The following IGF1R variants were observed in gnomAD, a reference collection of about 807,000 sequenced individuals.
IGF1R encodes the protein insulin like growth factor 1 receptor.
Under a neutral mutation model 144.6 loss-of-function variants are expected in IGF1R, and 44 were observed. The ratio of observed to expected loss-of-function variants is 0.30; its 90% CI spans 0.24 to 0.39. The LOEUF (loss-of-function observed/expected upper bound fraction) is 0.39. IGF1R is among the 10% of genes least tolerant of loss of function. The probability of loss-of-function intolerance (pLI) is 1.00; values close to 1 mark genes in which losing one functional copy is unlikely to be tolerated. For missense variants in IGF1R, 1,355 were observed against 1,833.7 expected, an observed-to-expected ratio of 0.74 and a Z score of 4.77; for synonymous variants, 795 against 722.8, an observed-to-expected ratio of 1.10 and a Z score of -1.60.
At chr15:98,868,327 CAAAAA>C (rs55905905) in intron 2 of IGF1R, among the ~76,000 whole-genome samples, 4 of 49,854 alleles carry the variant, frequency 8.0e-5, no homozygotes, top group Non-Finnish European at 1.4e-4. Flanking sequence ...ACCTTGTCTC[CAAAAA>C]AAAAAAAAAA....
chr15:98,881,212 G>T (rs1027519229), intron 2 of IGF1R, among the ~76,000 whole-genome samples: 12 of 152,216 alleles, frequency 7.9e-5, no homozygotes, highest in African/African-American at 2.9e-4. Context: ...TAGTGTGGCG[G>T]AGAAAAGGGT....
chr15:98,694,887 T>C (rs1344985507), intron 1 of IGF1R, among the ~76,000 whole-genome samples: 6 of 152,130 alleles, frequency 3.9e-5, no homozygotes, highest in East Asian at 3.9e-4. Context: ...GAAGGAAAGC[T>C]AAGTGTGGAG....
chr15:98,779,374 T>G (rs527554182), intron 2 of IGF1R, among the ~76,000 whole-genome samples: 1 of 152,232 alleles, frequency 6.6e-6, no homozygotes, highest in East Asian at 1.9e-4. Context: ...CCTTTATTAA[T>G]TTTTTCAAGA....
At chr15:98,684,785 G>A (rs1180949236) in intron 1 of IGF1R, among the ~76,000 whole-genome samples, 1 of 152,098 alleles carries the variant, frequency 6.6e-6, no homozygotes. Context: ...GTCTGGGCTT[G>A]CATTCTATCC....
chr15:98,702,694 C>T (rs1411117827), intron 1 of IGF1R, among the ~76,000 whole-genome samples: 2 of 152,136 alleles, frequency 1.3e-5, no homozygotes, highest in African/African-American at 4.8e-5. Context: ...CTTCTGGAGG[C>T]TGAGGCTGGA....
At chr15:98,830,605 C>CTTTTTTTTTTTTTT (rs60426791) in intron 2 of IGF1R, among the ~76,000 whole-genome samples, 8 of 135,944 alleles carry the variant, frequency 5.9e-5, no homozygotes, top group African/African-American at 2.3e-4. Context: ...TGATCATCAT[C>CTTTTTTTTTTTTTT]TTTTTTTTTT....
intron 2 of IGF1R, among the ~76,000 whole-genome samples, chr15:98,780,574 AAGAGAG>A (rs75831201): frequency 0.015 from 163 of 10,750 alleles, 20 homozygotes; most frequent in Admixed American, 0.041. Flanking sequence ...AAAAAAAAAA[AAGAGAG>A]AGAGAGTAAA....
At chr15:98,733,546 CAG>C (rs140940626) in intron 2 of IGF1R, among the ~76,000 whole-genome samples, 43 of 151,752 alleles carry the variant, frequency 2.8e-4, no homozygotes, top group African/African-American at 7.3e-4. Flanking sequence ...CAGAGGATCT[CAG>C]GGGAATTCCC....
At chr15:98,740,424 A>G (rs1486129971) in intron 2 of IGF1R, among the ~76,000 whole-genome samples, 2 of 152,264 alleles carry the variant, frequency 1.3e-5, no homozygotes, top group African/African-American at 4.8e-5. Context: ...AGGCAAAACA[A>G]TAAATAAGAA....
At chr15:98,798,124 A>G (rs2056288796) in intron 2 of IGF1R, among the ~76,000 whole-genome samples, 1 of 152,110 alleles carries the variant, frequency 6.6e-6, no homozygotes, top group Non-Finnish European at 1.5e-5. Context: ...AGTGGACAAA[A>G]TGAGGCCTCT....
chr15:98,770,075 C>G (rs1333225923), intron 2 of IGF1R, among the ~76,000 whole-genome samples: 1 of 152,138 alleles, frequency 6.6e-6, no homozygotes, highest in Non-Finnish European at 1.5e-5. Context: ...AGTCTCTTCC[C>G]CTCCTGGCTC....
At chr15:98,764,264 T>A (rs899524892) in intron 2 of IGF1R, among the ~76,000 whole-genome samples, 3 of 152,232 alleles carry the variant, frequency 2.0e-5, no homozygotes, top group Non-Finnish European at 4.4e-5. Flanking sequence ...GAAAATCTTG[T>A]AATTTATAAT....
At position 98,962,683 on chromosome 15, in the gene IGF1R, G is replaced by A. The variant is rs1430130520; in HGVS notation, c.*5241G>A. The A allele has an allele frequency of 2.6e-5, 6 of 233,752 alleles. No individual in the cohort carries two copies. Among genetic ancestry groups the A allele is most frequent in the African/African-American group, 4.4e-5 (2 of 45,344 alleles). The allele number at this position is 233,752 out of a possible 1,614,324, so 14.5% of individuals were successfully genotyped here. A position where few individuals can be genotyped will look rare whatever the true frequency, so the allele number is the denominator to read the frequency against. ...GGATCCTGGCACAGAGAAGAGTTACGAGCAGCAGGGTGCAGGGCTTGGAAG... is the reference window on the plus strand; with the variant it reads ...GGATCCTGGCACAGAGAAGAGTTACAAGCAGCAGGGTGCAGGGCTTGGAAG... On this transcript the variant is annotated 3_prime_UTR_variant, in exon 21 of 21. Coordinates refer to ENST00000650285, the MANE Select transcript of IGF1R (RefSeq NM_000875.5).
chr15:98,796,941 G>A (rs368064083), intron 2 of IGF1R, among the ~76,000 whole-genome samples: 21 of 152,346 alleles, frequency 1.4e-4, no homozygotes, highest in African/African-American at 4.8e-4. Flanking sequence ...AGTGCATCTA[G>A]CTGTAAAAGC....
At chr15:98,931,696 TA>T (rs61131708) in intron 15 of IGF1R, among the ~76,000 whole-genome samples, 147 of 146,370 alleles carry the variant, frequency 1.0e-3, no homozygotes, top group African/African-American at 3.5e-3. Context: ...TCTTTCCCTT[TA>T]AAAAAAAAAA....
chr15:98,858,985 G>C (rs1410110745), intron 2 of IGF1R, among the ~76,000 whole-genome samples: 1 of 151,736 alleles, frequency 6.6e-6, no homozygotes, highest in African/African-American at 2.4e-5. Flanking sequence ...TGTTGTGGTT[G>C]TTCCTTAGAA....
At chr15:98,873,219 C>A (rs1412004321) in intron 2 of IGF1R, among the ~76,000 whole-genome samples, 7 of 152,158 alleles carry the variant, frequency 4.6e-5, no homozygotes, top group Non-Finnish European at 1.5e-5. Context: ...TACGTAATAA[C>A]CTGAGGCACA....
Position 98,929,638 on chromosome 15 carries a change from C to T in IGF1R, c.2863C>T (p.Leu955=), listed in dbSNP as rs914216161. 6.2e-7 allele frequency: 1 copy of T among 1,613,348 alleles called. No homozygotes were observed. Among genetic ancestry groups the T allele is most frequent in the Non-Finnish European group, 8.5e-7 (1 of 1,179,410 alleles). Residue 955 remains leucine, a synonymous_variant, in exon 14 of 21, where the codon CTG becomes TTG. Coordinates refer to ENST00000650285, the MANE Select transcript of IGF1R (RefSeq NM_000875.5). The stretch of plus-strand genomic sequence containing the variant: ...GATCGTGGGAGGGTTGGTGATTATG[C>T]TGTACGTCTTCCATAGAAAGAGGTC... ...LLIVGGLVIM[L]YVFHRKRNNS... is the part of the protein sequence containing the mutation.
At chr15:98,777,143 C>T (rs756558015) in intron 2 of IGF1R, among the ~76,000 whole-genome samples, 24 of 152,142 alleles carry the variant, frequency 1.6e-4, no homozygotes, top group Admixed American at 2.6e-4. Flanking sequence ...GTTGCTGCAG[C>T]GGCAGGGGGC....
Sources: allele counts gnomAD v4.1 joint callset (sites outside exome capture counted in the v4.1 genomes callset), GRCh38; gene constraint gnomAD v4.1.1; transcripts MANE v1.5; gene names NCBI Gene and HGNC (gene_info 2026-07-23, HGNC 2026-07-21).